Variants in SERAC1 observed in about 807,000 individuals in gnomAD.
SERAC1 encodes serine active site containing 1.
Under a neutral mutation model 85.7 loss-of-function variants are expected in SERAC1, and 36 were observed. The observed-to-expected ratio is 0.42, with a 90% CI of 0.32 to 0.55. The LOEUF is 0.55. SERAC1 is among the 20% of genes least tolerant of loss of function. The probability of loss-of-function intolerance (pLI) is 0.11; values close to 1 mark genes in which losing one functional copy is unlikely to be tolerated. For synonymous variants in SERAC1, 242 were observed against 265.3 expected (o/e 0.91, Z 0.85); for missense variants, 629 against 796.2 (o/e 0.79, Z 2.53).
At position 158,111,279 on chromosome 6, in the gene SERAC1, G is replaced by A; in HGVS notation, c.*87C>T. ...TGTTGACGCTATGATCACTATGTTT[G>A]CATGATTGCATAGAGCTTAAAAGAA... On this transcript the variant is annotated 3_prime_UTR_variant, in exon 17 of 17. Coordinates refer to ENST00000647468, the MANE Select transcript of SERAC1 (RefSeq NM_032861.4). 8.2e-7 allele frequency: 1 copy of A among 1,222,152 alleles called. No homozygotes were observed. Among genetic ancestry groups the A allele is most frequent in the Non-Finnish European group, 1.1e-6 (1 of 883,206 alleles). 75.7% of individuals were successfully genotyped at this position (1,222,152 alleles called of 1,614,324 possible). A position where few individuals can be genotyped will look rare whatever the true frequency, so the allele number is the denominator to read the frequency against.
chr6:158,114,989 A>G lies in SERAC1; in HGVS notation c.1502-18T>C. On this transcript the variant is annotated intron_variant, in intron 14 of 16. Coordinates refer to ENST00000647468, the MANE Select transcript of SERAC1 (RefSeq NM_032861.4). ...AAGAAGACCTAGCCACAGACAAGGGAAAAAAACAATGCATAAGCTATTTTC... is the reference window on the plus strand; with the variant it reads ...AAGAAGACCTAGCCACAGACAAGGGGAAAAAACAATGCATAAGCTATTTTC... 1 of 1,595,288 alleles carries G rather than the reference A, an allele frequency of 6.3e-7. No individual in the cohort carries two copies. Among genetic ancestry groups the G allele is most frequent in the Non-Finnish European group, 8.5e-7 (1 of 1,172,798 alleles).
In SERAC1 at chr6:158,154,851, G is replaced by A. The variant is rs147608067; in HGVS notation, c.128+464C>T. On this transcript the variant is annotated intron_variant, in intron 3 of 16. Transcript: ENST00000647468. ...GTGTGTCAGAGCTGAGTGAGTGCCC[G>A]ATTTAACTGTGTCAGAGCTGAGTGA... is the stretch of plus-strand genomic sequence containing the variant. 7.6e-3 allele frequency among the ~76,000 whole-genome samples: 1,154 copies of A among 152,172 alleles called. 16 individuals are homozygous for A. Among genetic ancestry groups the A allele is most frequent in the African/African-American group, 0.026 (1,084 of 41,510 alleles).
chr6:158,150,164 G>A (rs988228142), intron 4 of SERAC1, among the ~76,000 whole-genome samples: 7 of 152,166 alleles, frequency 4.6e-5, no homozygotes, highest in African/African-American at 1.7e-4. Context: ...GCCAAACTGA[G>A]AGCCAGCCTC....
At chr6:158,160,904 C>T (rs1159767526) in intron 1 of SERAC1, 1 of 152,096 alleles carries the variant, frequency 6.6e-6, no homozygotes, top group Non-Finnish European at 1.5e-5. Context: ...TAAATATTTA[C>T]CAACATTTTG....
At chr6:158,135,456 T>C (rs1969740) in intron 8 of SERAC1, among the ~76,000 whole-genome samples, 81,076 of 151,602 alleles carry the variant, frequency 0.53, 22,047 homozygotes, top group African/African-American at 0.63. Flanking sequence ...TTGCTTGAAC[T>C]GGGGAGGCGG....
intron 8 of SERAC1, among the ~76,000 whole-genome samples, chr6:158,139,493 C>CA (rs1483769493): frequency 3.9e-5 from 6 of 151,906 alleles, no homozygotes; most frequent in Non-Finnish European, 5.9e-5. Context: ...ACAACAACAA[C>CA]AAAAAAAGTC....
intron 5 of SERAC1, among the ~76,000 whole-genome samples, chr6:158,147,768 CAAAAAAAAAA>C (rs71027383): frequency 1.3e-4 from 9 of 68,934 alleles, no homozygotes; most frequent in African/African-American, 5.6e-4. Flanking sequence ...GGCTCTGTCT[CAAAAAAAAAA>C]AAAAAAAAAA....
At position 158,110,503 on chromosome 6, in the gene SERAC1, TTATC is replaced by T. The variant is rs1446968381; in HGVS notation, c.*859_*862del. ...AAAGAAAAAAAGGTCATCGACATGATTATCTACTACTCACATGCTATAGAGGTCA... is the reference window on the plus strand; with the variant it reads ...AAAGAAAAAAAGGTCATCGACATGATTACTACTCACATGCTATAGAGGTCA... On this transcript the variant is annotated 3_prime_UTR_variant, in exon 17 of 17. Coordinates refer to ENST00000647468, the MANE Select transcript of SERAC1 (RefSeq NM_032861.4). 3.9e-5 allele frequency: 6 copies of T among 152,238 alleles called. No homozygotes were observed. Among genetic ancestry groups the T allele is most frequent in the Non-Finnish European group, 7.3e-5 (5 of 68,038 alleles). The allele number at this position is 152,238 out of a possible 1,614,324, so 9.4% of individuals were successfully genotyped here. A position where few individuals can be genotyped will look rare whatever the true frequency, so the allele number is the denominator to read the frequency against.
At chr6:158,132,789 C>T (rs1312091658) in intron 8 of SERAC1, among the ~76,000 whole-genome samples, 3 of 152,098 alleles carry the variant, frequency 2.0e-5, no homozygotes, top group African/African-American at 7.2e-5. Context: ...AACAAACTCA[C>T]AGTATGGTTG....
intron 1 of SERAC1, among the ~76,000 whole-genome samples, chr6:158,162,890 C>A (rs1203499861): frequency 6.6e-6 from 1 of 152,020 alleles, no homozygotes; most frequent in African/African-American, 2.4e-5. Flanking sequence ...CTTTGGTAGT[C>A]CCCTCCCACG....
intron 4 of SERAC1, among the ~76,000 whole-genome samples, chr6:158,149,215 A>G (rs1785147360): frequency 6.6e-6 from 1 of 152,046 alleles, no homozygotes; most frequent in African/African-American, 2.4e-5. Context: ...GATGGTCTTG[A>G]TCTCCTGACC....
chr6:158,163,948 G>A (rs1203608335), intron 1 of SERAC1, among the ~76,000 whole-genome samples: 7 of 151,732 alleles, frequency 4.6e-5, no homozygotes, highest in Non-Finnish European at 8.8e-5. Flanking sequence ...TCTTGGCCAG[G>A]CTGGTCTTGA....
chr6:158,158,915 C>G (rs1223998426), intron 1 of SERAC1: 1 of 152,286 alleles, frequency 6.6e-6, no homozygotes, highest in Non-Finnish European at 1.5e-5. Flanking sequence ...GGCATTCTAT[C>G]AAAGGAGAGC....
intron 8 of SERAC1, among the ~76,000 whole-genome samples, chr6:158,135,809 T>C (rs370621530): frequency 2.0e-5 from 3 of 152,218 alleles, no homozygotes; most frequent in East Asian, 3.9e-4. Context: ...ATGTTAGTAA[T>C]TGGTGAATCT....
In SERAC1 at chr6:158,119,064, C is replaced by T; in HGVS notation, c.1273G>A (p.Glu425Lys). ...CACGTCGTATATCTGTCTTCATCCT[C>T]CATAGGTTTTTCAATTACAGCCTGC... The part of the protein sequence containing the change: ...SEQAVIEKPM[E>K]DEDRYTTCWP... Residue 425 changes from glutamate to lysine, a missense_variant, in exon 12 of 17, where the codon GAG becomes AAG. Coordinates refer to ENST00000647468, the MANE Select transcript of SERAC1 (RefSeq NM_032861.4). This position sits in a 1 kb window ranked among gnomAD's most constrained non-coding sequence, Gnocchi z 4.5. 1 of 1,613,924 alleles carries T rather than the reference C, an allele frequency of 6.2e-7. No homozygotes were observed. Among genetic ancestry groups the T allele is most frequent in the Non-Finnish European group, 8.5e-7 (1 of 1,179,900 alleles).
chr6:158,131,543 T>C (rs527869504), intron 8 of SERAC1, among the ~76,000 whole-genome samples: 1 of 151,202 alleles, frequency 6.6e-6, no homozygotes, highest in South Asian at 2.1e-4. Context: ...GCACTGTTCA[T>C]AATGAGAGGC....
rs572347932 is a variant in SERAC1, at chr6:158,117,392, C to T, written c.1403+335G>A. 1.6e-4 allele frequency: 138 copies of T among 839,142 alleles called. No individual in the cohort carries two copies. The highest frequency in any genetic ancestry group is 2.4e-4 in the Non-Finnish European group (133 of 547,636). 52.0% of individuals were successfully genotyped at this position (839,142 alleles called of 1,614,324 possible). A position where few individuals can be genotyped will look rare whatever the true frequency, so the allele number is the denominator to read the frequency against. ...CATCTTTCTCTTTGCTTCCTTTAGC[C>T]AGTATGATTGTGGACACAAGAACAA... On this transcript the variant is annotated intron_variant, in intron 13 of 16. Coordinates refer to ENST00000647468, the MANE Select transcript of SERAC1 (RefSeq NM_032861.4). This position sits in a 1 kb window ranked among gnomAD's most constrained non-coding sequence, Gnocchi z 4.3.
intron 2 of SERAC1, among the ~76,000 whole-genome samples, chr6:158,156,064 G>A (rs1381821127): frequency 6.6e-6 from 1 of 152,096 alleles, no homozygotes; most frequent in Non-Finnish European, 1.5e-5. Context: ...CAGGAGAATC[G>A]CTTGAACCAC....
intron 3 of SERAC1, among the ~76,000 whole-genome samples, chr6:158,153,892 A>C (rs970178842): frequency 1.5e-4 from 23 of 152,148 alleles, no homozygotes; most frequent in African/African-American, 5.5e-4. Flanking sequence ...GCACTTTGGA[A>C]GGCCAAGACG....
Sources: gnomAD v4.1 joint callset for allele counts (sites outside exome capture counted in the v4.1 genomes callset) on GRCh38, gnomAD v4.1.1 for gene constraint, Gnocchi (gnomAD v3.1) non-coding constraint, MANE v1.5 for transcripts, NCBI Gene and HGNC (gene_info 2026-07-23, HGNC 2026-07-21) for gene names.